CNTN5: variants seen among roughly 807,000 people sequenced by gnomAD.
CNTN5 encodes contactin-5.
CNTN5 carries 77 observed loss-of-function variants against 129.1 expected under a neutral mutation model. The ratio of observed to expected loss-of-function variants is 0.60; its 90% confidence interval spans 0.50 to 0.72. The LOEUF (loss-of-function observed/expected upper bound fraction) is 0.72. CNTN5 is among the 30% of genes least tolerant of loss of function. The pLI is 0.00. For missense variants in CNTN5, 1,478 were observed against 1,328.8 expected (o/e 1.11, Z -1.75); for synonymous variants, 509 against 465.6 (o/e 1.09, Z -1.20).
At chr11:99,340,300 T>C (rs186845606) in intron 2 of CNTN5, among the ~76,000 whole-genome samples, 32 of 151,898 alleles carry the variant, frequency 2.1e-4, no homozygotes, top group African/African-American at 5.8e-4. Context: ...AAATTTGGAG[T>C]ATAAGGAAGC....
At chr11:100,191,785 T>C (rs1401120049) in intron 14 of CNTN5, among the ~76,000 whole-genome samples, 1 of 151,980 alleles carries the variant, frequency 6.6e-6, no homozygotes, top group African/African-American at 2.4e-5. Context: ...ATATTAATAT[T>C]ACTGCTTATA....
chr11:99,571,254 T>G (rs746699128), intron 3 of CNTN5, among the ~76,000 whole-genome samples: 1 of 152,212 alleles, frequency 6.6e-6, no homozygotes, highest in African/African-American at 2.4e-5. Flanking sequence ...TTTCAATGGC[T>G]ATTTGTTAGC....
At chr11:100,007,182 C>T (rs766643052) in intron 9 of CNTN5, among the ~76,000 whole-genome samples, 10 of 152,020 alleles carry the variant, frequency 6.6e-5, no homozygotes, top group Non-Finnish European at 1.0e-4. Flanking sequence ...TTTGTTGTTC[C>T]ATTTCAAGAA....
chr11:100,106,814 G>A (rs1278700396), intron 13 of CNTN5, among the ~76,000 whole-genome samples: 1 of 152,068 alleles, frequency 6.6e-6, no homozygotes, highest in African/African-American at 2.4e-5. Flanking sequence ...ATAGAAAAAT[G>A]TTATTAGGTG....
At chr11:99,765,627 A>G (rs1246632544) in intron 3 of CNTN5, among the ~76,000 whole-genome samples, 1 of 150,174 alleles carries the variant, frequency 6.7e-6, no homozygotes, top group East Asian at 1.9e-4. Flanking sequence ...CTAACTTTTT[A>G]GCCTTTCAGA....
chr11:100,332,353 AC>A (rs931200787), intron 21 of CNTN5, among the ~76,000 whole-genome samples: 3 of 151,468 alleles, frequency 2.0e-5, no homozygotes, highest in African/African-American at 7.2e-5. Context: ...AAAATTGCCA[AC>A]AAAAAAAAAG....
chr11:99,961,067 T>C (rs1198764714), intron 8 of CNTN5, among the ~76,000 whole-genome samples: 1 of 151,712 alleles, frequency 6.6e-6, no homozygotes, highest in African/African-American at 2.4e-5. Flanking sequence ...TAGCCGGGCA[T>C]GGTGGTGCAT....
intron 8 of CNTN5, among the ~76,000 whole-genome samples, chr11:99,981,711 C>T (rs1591520508): frequency 6.6e-6 from 1 of 152,128 alleles, no homozygotes; most frequent in Non-Finnish European, 1.5e-5. Context: ...TGATGTCTTC[C>T]TGGTCCTGAG....
intron 1 of CNTN5, among the ~76,000 whole-genome samples, chr11:99,112,611 C>G (rs1857851237): frequency 6.6e-6 from 1 of 151,934 alleles, no homozygotes; most frequent in Admixed American, 6.6e-5. Context: ...GCCTTAAAAT[C>G]CATGAATGAT....
intron 1 of CNTN5, among the ~76,000 whole-genome samples, chr11:99,144,809 T>G (rs1859698553): frequency 6.6e-6 from 1 of 152,130 alleles, no homozygotes; most frequent in Non-Finnish European, 1.5e-5. Context: ...AGATCATGAT[T>G]GTTTAAAATT....
intron 2 of CNTN5, among the ~76,000 whole-genome samples, chr11:99,515,761 G>A (rs1365992572): frequency 2.6e-5 from 4 of 151,800 alleles, no homozygotes; most frequent in Non-Finnish European, 5.9e-5. Context: ...ATTTCTATAT[G>A]CTATTTTATT....
At position 99,187,272 on chromosome 11, in the gene CNTN5, C is replaced by T. The variant is rs80108627; in HGVS notation, c.-209-138074C>T. Among the ~76,000 whole-genome samples the T allele has an allele frequency of 4.0e-3, 608 of 151,372 alleles. 4 individuals are homozygous for T. Among genetic ancestry groups the T allele is most frequent in the Non-Finnish European group, 7.1e-3 (481 of 67,678 alleles). The stretch of plus-strand genomic sequence containing the variant: ...AAAATGTACCTTCTTCTCTTATAAC[C>T]CCAGGCAGCACTTAACATAAAGAGA... On this transcript the variant is annotated intron_variant, in intron 1 of 24. Transcript: ENST00000524871.
chr11:99,102,998 G>C (rs1297007241), intron 1 of CNTN5, among the ~76,000 whole-genome samples: 1 of 152,128 alleles, frequency 6.6e-6, no homozygotes, highest in Non-Finnish European at 1.5e-5. Flanking sequence ...AGTCATGGCA[G>C]AAGGCAAAAG....
chr11:99,782,259 C>T (rs938400493), intron 3 of CNTN5, among the ~76,000 whole-genome samples: 5 of 146,048 alleles, frequency 3.4e-5, no homozygotes, highest in Non-Finnish European at 7.5e-5. Flanking sequence ...ACCTAGGAAT[C>T]CAACTTACAA....
chr11:99,156,615 T>C (rs1375336603), intron 1 of CNTN5, among the ~76,000 whole-genome samples: 3 of 152,020 alleles, frequency 2.0e-5, no homozygotes, highest in African/African-American at 7.2e-5. Flanking sequence ...AGACTACAAA[T>C]ACGAAAATTA....
At chr11:99,268,117 A>G (rs1306421580) in intron 1 of CNTN5, among the ~76,000 whole-genome samples, 1 of 151,998 alleles carries the variant, frequency 6.6e-6, no homozygotes, top group Non-Finnish European at 1.5e-5. Flanking sequence ...CAAGTTACTT[A>G]ATCTTTCTGA....
intron 15 of CNTN5, among the ~76,000 whole-genome samples, chr11:100,217,164 G>T (rs1289911498): frequency 1.3e-5 from 2 of 152,168 alleles, no homozygotes; most frequent in African/African-American, 2.4e-5. Context: ...ACATTGTGTT[G>T]TGAGTTTCTC....
At chr11:100,121,063 C>T (rs751797988) in intron 13 of CNTN5, among the ~76,000 whole-genome samples, 4 of 151,806 alleles carry the variant, frequency 2.6e-5, no homozygotes, top group Non-Finnish European at 4.4e-5. Flanking sequence ...TGTATTGGAT[C>T]ATAGTTTATG....
At position 99,205,379 on chromosome 11, in the gene CNTN5, C is replaced by T. The variant is rs1029450488; in HGVS notation, c.-209-119967C>T. Among the ~76,000 whole-genome samples, 5 of 152,090 alleles carry T rather than the reference C, an allele frequency of 3.3e-5. No individual in the cohort carries two copies. The East Asian group carries it at 9.7e-4, about 29-fold the overall frequency. On this transcript the variant is annotated intron_variant, in intron 1 of 24. Coordinates refer to ENST00000524871, the MANE Select transcript of CNTN5 (RefSeq NM_014361.4). ...CTACCTGCTCTAGAAGAGGTTTGCT[C>T]TCAAGACCCAGAGCTTACCGAGACT...
Sources: allele counts gnomAD v4.1 joint callset (sites outside exome capture counted in the v4.1 genomes callset), GRCh38; gene constraint gnomAD v4.1.1; transcripts MANE v1.5; gene names NCBI Gene and HGNC (gene_info 2026-07-23, HGNC 2026-07-21).